TPM1: variants seen among roughly 807,000 people sequenced by gnomAD.
The protein encoded by TPM1 is tropomyosin alpha-1 chain.
In TPM1, 24 loss-of-function variants were observed where a neutral mutation model predicts 42.9. The observed-to-expected ratio is 0.56, with a 90% CI of 0.41 to 0.79. The LOEUF is 0.79. Ranked by LOEUF, TPM1 falls within the 30% of genes least tolerant of loss-of-function variation. The pLI, the probability that TPM1 is intolerant of heterozygous loss-of-function variation, is 0.00. For missense variants in TPM1, 158 were observed against 351.8 expected (o/e 0.45, Z 4.41); for synonymous variants, 136 against 130.1 (o/e 1.05, Z -0.31).
rs538755572 is a variant in TPM1, at chr15:63,048,269, C to T, written c.240+4117C>T. ...CCGGAGCGCCCAGCTCACCAGGTAC[C>T]CCCGCAGCGCGCCGGGAGCGCCTTT... On this transcript the variant is annotated intron_variant, in intron 2 of 9. Transcript: ENST00000403994. 1.8e-3 allele frequency: 1,010 copies of T among 568,092 alleles called. 2 individuals are homozygous for T. Among genetic ancestry groups the T allele is most frequent in the Non-Finnish European group, 2.7e-3 (864 of 323,394 alleles). The allele number at this position is 568,092 out of a possible 1,614,324, so 35.2% of individuals were successfully genotyped here. A position where few individuals can be genotyped will look rare whatever the true frequency, so the allele number is the denominator to read the frequency against.
chr15:63,045,522 C>T (rs547377628), intron 2 of TPM1: 1 of 152,282 alleles, frequency 6.6e-6, no homozygotes, highest in East Asian at 1.9e-4. Context: ...CCCGCAAATT[C>T]TCCAGCAGGA....
At position 63,061,540 on chromosome 15, in the gene TPM1, G is replaced by C. The variant is rs991791791; in HGVS notation, c.564-173G>C. 30 of 754,384 alleles carry C rather than the reference G, an allele frequency of 4.0e-5. No homozygotes were observed. The Middle Eastern group carries it at 4.1e-3, about 102-fold the overall frequency. The allele number at this position is 754,384 out of a possible 1,614,324, so 46.7% of individuals were successfully genotyped here. ...CCTGCCTTCTGCTGTTGCGAGGTTGGGGGGCAGTGTTCCTGGAAAACCTAA... is the reference window on the plus strand; with the variant it reads ...CCTGCCTTCTGCTGTTGCGAGGTTGCGGGGCAGTGTTCCTGGAAAACCTAA... On this transcript the variant is annotated intron_variant, in intron 5 of 9. Coordinates refer to ENST00000403994, the MANE Select transcript of TPM1 (RefSeq NM_001018005.2).
intron 2 of TPM1, among the ~76,000 whole-genome samples, chr15:63,052,100 T>C (rs894209830): frequency 7.0e-6 from 1 of 142,914 alleles, no homozygotes; most frequent in African/African-American, 2.6e-5. Context: ...TTGGTAGCCT[T>C]TACTAATACA....
intron 5 of TPM1, 101 bp from the exon 6 acceptor site, chr15:63,061,612 C>T: frequency 8.7e-7 from 1 of 1,149,812 alleles, no homozygotes; most frequent in Non-Finnish European, 1.3e-6. Flanking sequence ...AGCCCTTCGT[C>T]TCTAGGACTC....
At chr15:63,044,448 C>G (rs181995221) in intron 2 of TPM1, 1 of 595,018 alleles carries the variant, frequency 1.7e-6, no homozygotes, top group East Asian at 2.8e-5. Flanking sequence ...GTGAACTTCA[C>G]CTCCCTGGTG....
At chr15:63,048,534 C>G (rs748866546) in intron 2 of TPM1, 2 of 1,510,512 alleles carry the variant, frequency 1.3e-6, no homozygotes, top group Non-Finnish European at 1.8e-6. Flanking sequence ...AGCAGCCGGC[C>G]TCTCCCACTG....
At chr15:63,050,839 A>G (rs983636764) in intron 2 of TPM1, among the ~76,000 whole-genome samples, 4 of 152,254 alleles carry the variant, frequency 2.6e-5, no homozygotes, top group African/African-American at 9.6e-5. Flanking sequence ...GCTAGCAGTA[A>G]CAGTTTCTTT....
rs769961987 is a variant in TPM1 at position 63,048,347 on chromosome 15, G to GGCGCGCGCCCCTCCCAGCC, written c.240+4206_240+4224dup. On this transcript the variant is annotated intron_variant, in intron 2 of 9. Coordinates refer to ENST00000403994, the MANE Select transcript of TPM1 (RefSeq NM_001018005.2). ...GCCCCCAGCCAGTCCCGGGATCCACGGCGCGCGCCCCTCCCAGCCGCGCGC... is the reference window on the plus strand; with the variant it reads ...GCCCCCAGCCAGTCCCGGGATCCACGGCGCGCGCCCCTCCCAGCCGCGCGCGCCCCTCCCAGCCGCGCGC... 3.6e-5 allele frequency: 43 copies of GGCGCGCGCCCCTCCCAGCC among 1,181,872 alleles called. No individual in the cohort carries two copies. In the East Asian group the frequency reaches 6.7e-4, roughly 19 times the overall value. 73.2% of individuals were successfully genotyped at this position (1,181,872 alleles called of 1,614,324 possible).
chr15:63,055,797 A>G (rs977692847), intron 2 of TPM1: 1 of 152,222 alleles, frequency 6.6e-6, no homozygotes, highest in Non-Finnish European at 1.5e-5. Flanking sequence ...TTCCATGCAC[A>G]ATATTTAAAC....
intron 2 of TPM1, chr15:63,048,701 G>A: frequency 6.5e-7 from 1 of 1,538,718 alleles, no homozygotes; most frequent in South Asian, 1.2e-5. Flanking sequence ...GGAAGCTGAG[G>A]GAGACCGTAA....
At chr15:63,052,448 G>T (rs897275879) in intron 2 of TPM1, among the ~76,000 whole-genome samples, 1 of 152,146 alleles carries the variant, frequency 6.6e-6, no homozygotes, top group African/African-American at 2.4e-5. Context: ...GCTTGAACCC[G>T]GGAGGTGGAG....
At chr15:63,066,304 C>G (rs1377187799), downstream of TPM1, 4 of 636,772 alleles carry the variant, frequency 6.3e-6, no homozygotes, top group Non-Finnish European at 8.4e-6. Flanking sequence ...CCTGCATTCC[C>G]TCTCAGAGTT....
chr15:63,058,299 A>G (rs1469308139), intron 3 of TPM1, among the ~76,000 whole-genome samples: 2 of 152,286 alleles, frequency 1.3e-5, no homozygotes, highest in South Asian at 4.1e-4. Flanking sequence ...TAGTTTTACA[A>G]ATGAGAAAAG....
intron 7 of TPM1, 113 bp downstream of exon 7, chr15:63,062,390 A>C (rs911011901): frequency 3.8e-6 from 5 of 1,330,468 alleles, no homozygotes; most frequent in Non-Finnish European, 5.4e-6. Context: ...AGGAATATTC[A>C]AAGGTCGCCT....
chr15:63,060,850 T>C lies in TPM1; in HGVS notation c.493-19T>C, dbSNP rs2035516418. On this transcript the variant is annotated intron_variant, in intron 4 of 9. Coordinates refer to ENST00000403994, the MANE Select transcript of TPM1 (RefSeq NM_001018005.2). ...GCTTGCAAGACCCATGGTGTGTGTG[T>C]TGTGTCTTCCTGCTGCAGGTGGCCC... The C allele has an allele frequency of 6.2e-7, 1 of 1,614,132 alleles. No homozygotes were observed. The highest frequency in any genetic ancestry group is 8.5e-7 in the Non-Finnish European group (1 of 1,179,972).
chr15:63,059,551 C>T lies in TPM1; in HGVS notation c.375-12C>T. 1 of 1,603,450 alleles carries T rather than the reference C, an allele frequency of 6.2e-7. No individual in the cohort carries two copies. Among genetic ancestry groups the T allele is most frequent in the East Asian group, 2.3e-5 (1 of 44,334 alleles). Reference sequence around the variant, plus strand: ...CTAAATCTTGGGTTTTCTTGCTTGTCTTTCTTTTCAGAGGCATGAAAGTCA... The same window carrying T: ...CTAAATCTTGGGTTTTCTTGCTTGTTTTTCTTTTCAGAGGCATGAAAGTCA... On this transcript the variant is annotated splice_polypyrimidine_tract_variant and intron_variant, in intron 3 of 9. Transcript: ENST00000403994.
Position 63,057,932 on chromosome 15 carries a change from ATG to A in TPM1, c.374+818_374+819del, listed in dbSNP as rs560076603. Among the ~76,000 whole-genome samples the A allele has an allele frequency of 9.7e-3, 1,480 of 152,236 alleles. 12 individuals are homozygous for A. Among genetic ancestry groups the A allele is most frequent in the Non-Finnish European group, 0.017 (1,140 of 68,018 alleles). On this transcript the variant is annotated intron_variant, in intron 3 of 9. Coordinates refer to ENST00000403994, the MANE Select transcript of TPM1 (RefSeq NM_001018005.2). Reference sequence around the variant, plus strand: ...AGCATGAAGGGGCTCAGAGCACTGAATGTGTATCTGTCTGTGCTGTGACCTGG... The same window carrying A: ...AGCATGAAGGGGCTCAGAGCACTGAATGTATCTGTCTGTGCTGTGACCTGG...
At position 63,056,978 on chromosome 15, in the gene TPM1, T is replaced by C; in HGVS notation, c.241-7T>C. On this transcript the variant is annotated splice_region_variant and splice_polypyrimidine_tract_variant and intron_variant, in intron 2 of 9. Coordinates refer to ENST00000403994, the MANE Select transcript of TPM1 (RefSeq NM_001018005.2). The stretch of plus-strand genomic sequence containing the variant: ...CAACTCTGAAATGCTTTTCACTCTC[T>C]ACCTAGGCTGAAGCCGACGTAGCTT... The C allele has an allele frequency of 6.2e-7, 1 of 1,614,102 alleles. No homozygotes were observed. Among genetic ancestry groups the C allele is most frequent in the Non-Finnish European group, 8.5e-7 (1 of 1,179,962 alleles).
At chr15:63,054,114 T>A (rs978739958) in intron 2 of TPM1, among the ~76,000 whole-genome samples, 1 of 152,124 alleles carries the variant, frequency 6.6e-6, no homozygotes, top group African/African-American at 2.4e-5. Flanking sequence ...TTACAGGGCC[T>A]CCTCAGGAAG....
Sources: allele counts gnomAD v4.1 joint callset (sites outside exome capture counted in the v4.1 genomes callset), GRCh38; gene constraint gnomAD v4.1.1; transcripts MANE v1.5; gene names NCBI Gene and HGNC (gene_info 2026-07-23, HGNC 2026-07-21).